CTNNA3: variants seen among roughly 807,000 people sequenced by gnomAD.
CTNNA3 encodes the protein catenin alpha-3.
In CTNNA3, 76 loss-of-function variants were observed where a neutral mutation model predicts 95.7. That is an observed-to-expected ratio of 0.79 (90% confidence interval 0.66 to 0.96). The LOEUF is 0.96. CTNNA3 is among the 40% of genes least tolerant of loss of function. The pLI is 0.00. For missense variants in CTNNA3, 1,191 were observed against 1,089.8 expected (o/e 1.09, Z -1.31); for synonymous variants, 431 against 374.4 (o/e 1.15, Z -1.74).
chr10:66,695,237 G>GC (rs1189274605), intron 9 of CTNNA3, among the ~76,000 whole-genome samples: 1 of 152,114 alleles, frequency 6.6e-6, no homozygotes, highest in Non-Finnish European at 1.5e-5. Context: ...GCAGGTACAG[G>GC]CATGTTTGCC....
chr10:66,200,930 G>T (rs186088001), intron 13 of CTNNA3, among the ~76,000 whole-genome samples: 10 of 152,236 alleles, frequency 6.6e-5, no homozygotes, highest in African/African-American at 2.2e-4. Context: ...ATTTAGATTA[G>T]TATTTTTCTT....
chr10:67,085,474 T>C (rs5026468), intron 7 of CTNNA3, among the ~76,000 whole-genome samples: 10,163 of 151,886 alleles, frequency 0.067, 403 homozygotes, highest in South Asian at 0.18. Flanking sequence ...CCTCCAATAT[T>C]ACCTCCAATC....
chr10:66,787,582 A>G (rs917691143), intron 7 of CTNNA3, among the ~76,000 whole-genome samples: 4 of 152,078 alleles, frequency 2.6e-5, no homozygotes, highest in Admixed American at 6.6e-5. Context: ...CTTTATGACC[A>G]AGACCTATCC....
At chr10:66,035,832 G>C (rs1358197233) in intron 15 of CTNNA3, among the ~76,000 whole-genome samples, 1 of 151,900 alleles carries the variant, frequency 6.6e-6, no homozygotes, top group Non-Finnish European at 1.5e-5. Context: ...AATGAAAGAT[G>C]GGCTTATTGT....
intron 12 of CTNNA3, among the ~76,000 whole-genome samples, chr10:66,346,256 G>C (rs1189929716): frequency 4.3e-5 from 2 of 46,382 alleles, no homozygotes; most frequent in Non-Finnish European, 8.7e-5. Context: ...TAGAGAGAGA[G>C]AGAGAGAGAG....
At chr10:67,579,019 A>G (rs1842273798) in intron 3 of CTNNA3, among the ~76,000 whole-genome samples, 1 of 113,748 alleles carries the variant, frequency 8.8e-6, no homozygotes, top group South Asian at 3.9e-4. Flanking sequence ...ATATATATAT[A>G]TATATATATA....
intron 11 of CTNNA3, among the ~76,000 whole-genome samples, chr10:66,513,332 C>A (rs886813599): frequency 6.6e-6 from 1 of 152,124 alleles, no homozygotes; most frequent in Non-Finnish European, 1.5e-5. Context: ...TGGGAGAATG[C>A]AGTACTGTAG....
intron 1 of CTNNA3, among the ~76,000 whole-genome samples, chr10:67,755,389 G>A (rs1475730754): frequency 6.6e-6 from 1 of 152,108 alleles, no homozygotes; most frequent in Non-Finnish European, 1.5e-5. Context: ...CATTATACGC[G>A]ATTGGCAAGA....
At chr10:67,056,411 T>C (rs1855434569) in intron 7 of CTNNA3, among the ~76,000 whole-genome samples, 1 of 152,180 alleles carries the variant, frequency 6.6e-6, no homozygotes, top group Non-Finnish European at 1.5e-5. Flanking sequence ...CTACCCATTT[T>C]TGCATCTAAT....
Position 67,539,534 on chromosome 10 carries a change from T to G in CTNNA3, c.428A>C (p.Asp143Ala), listed in dbSNP as rs1326982117. ...CACATGTTGCAAGAGGCACATGACA[T>G]CAATCATGTCCGCAAGGATAAGGAG... Reference protein sequence around the residue: ...TRLLILADMIDVMCLLQHVSA... With the variant: ...TRLLILADMIAVMCLLQHVSA... Residue 143 changes from aspartate (D) to alanine (A), a missense_variant, in exon 4 of 18, where the codon GAT becomes GCT. By Grantham distance (126) the Asp-to-Ala change is moderately radical (BLOSUM62 -2). Coordinates refer to ENST00000433211, the MANE Select transcript of CTNNA3 (RefSeq NM_013266.4). The G allele has an allele frequency of 1.9e-6, 3 of 1,613,492 alleles. No homozygotes were observed. The highest frequency in any genetic ancestry group is 2.5e-6 in the Non-Finnish European group (3 of 1,179,682).
intron 5 of CTNNA3, among the ~76,000 whole-genome samples, chr10:67,371,940 A>C (rs1843481758): frequency 1.3e-5 from 2 of 152,156 alleles, no homozygotes; most frequent in Admixed American, 1.3e-4. Context: ...GTGAGATGGT[A>C]TCTCATTGTG....
At chr10:67,556,769 A>C (rs1025563722) in intron 3 of CTNNA3, among the ~76,000 whole-genome samples, 1 of 151,838 alleles carries the variant, frequency 6.6e-6, no homozygotes, top group Non-Finnish European at 1.5e-5. Flanking sequence ...TTCTGCTCTG[A>C]TCTTACTTAT....
chr10:65,999,252 C>T lies in CTNNA3; in HGVS notation c.2160-10455G>A, dbSNP rs182532215. ...CAACTTAAATAAAGCTGTCTAAGCT[C>T]CTGAAAGGCAATGCATCAATTTTTC... On this transcript the variant is annotated intron_variant, in intron 15 of 17. Coordinates refer to ENST00000433211, the MANE Select transcript of CTNNA3 (RefSeq NM_013266.4). Among the ~76,000 whole-genome samples the T allele has an allele frequency of 6.4e-4, 98 of 152,248 alleles. 2 individuals carry two copies. The highest frequency in any genetic ancestry group is 2.3e-3 in the African/African-American group (96 of 41,556).
chr10:66,857,383 G>C (rs1374873991), intron 7 of CTNNA3, among the ~76,000 whole-genome samples: 1 of 125,128 alleles, frequency 8.0e-6, no homozygotes, highest in Non-Finnish European at 1.6e-5. Context: ...TTGGCTATTT[G>C]GACTAATTTT....
At chr10:67,691,238 A>T (rs9971290) in intron 1 of CTNNA3, among the ~76,000 whole-genome samples, 1 of 151,858 alleles carries the variant, frequency 6.6e-6, no homozygotes, top group Admixed American at 6.6e-5. Flanking sequence ...ATCTCGGCTC[A>T]CTACAACCTC....
chr10:67,634,610 C>A (rs767029381), intron 2 of CTNNA3, among the ~76,000 whole-genome samples: 1 of 151,828 alleles, frequency 6.6e-6, no homozygotes, highest in Non-Finnish European at 1.5e-5. Flanking sequence ...CACATCAGCT[C>A]AAAATAAAGG....
chr10:67,579,761 T>A (rs1842313612), intron 3 of CTNNA3, among the ~76,000 whole-genome samples: 1 of 152,178 alleles, frequency 6.6e-6, no homozygotes, highest in Non-Finnish European at 1.5e-5. Flanking sequence ...TGGTGTGAGA[T>A]GGTATCTCAT....
At chr10:67,434,085 C>T (rs924133759) in intron 5 of CTNNA3, among the ~76,000 whole-genome samples, 2 of 152,004 alleles carry the variant, frequency 1.3e-5, no homozygotes, top group African/African-American at 4.8e-5. Flanking sequence ...TTCTTGTCTC[C>T]TCTATTAATC....
At chr10:67,563,360 T>C (rs1841612827) in intron 3 of CTNNA3, among the ~76,000 whole-genome samples, 1 of 152,188 alleles carries the variant, frequency 6.6e-6, no homozygotes, top group Non-Finnish European at 1.5e-5. Context: ...CAGCTGATCT[T>C]TGACAAACCT....
Sources: gnomAD v4.1 joint callset for allele counts (sites outside exome capture counted in the v4.1 genomes callset) on GRCh38, gnomAD v4.1.1 for gene constraint, MANE v1.5 for transcripts, NCBI Gene and HGNC (gene_info 2026-07-23, HGNC 2026-07-21) for gene names.